MRPL35: variants seen among roughly 807,000 people sequenced by gnomAD.
MRPL35 encodes mitochondrial ribosomal protein L35.
Under a neutral mutation model 21.6 loss-of-function variants are expected in MRPL35, and 18 were observed. The ratio of observed to expected loss-of-function variants is 0.83; its 90% CI spans 0.58 to 1.24. MRPL35 has a LOEUF of 1.24. Ranked by LOEUF, MRPL35 falls within the 50% of genes most tolerant of loss-of-function variation. MRPL35 has a pLI of 0.00. For synonymous variants in MRPL35, 87 were observed against 86.9 expected, an observed-to-expected ratio of 1.00 and a Z score of -0.01; for missense variants, 223 against 223.2, an observed-to-expected ratio of 1.00 and a Z score of 0.01.
At chr2:86,200,907 C>G (rs1438314227) in intron 1 of MRPL35, among the ~76,000 whole-genome samples, 1 of 152,114 alleles carries the variant, frequency 6.6e-6, no homozygotes, top group Non-Finnish European at 1.5e-5. Context: ...CTCAGGTGAT[C>G]CGCCCGCCTC....
chr2:86,207,386 C>A (rs1366371107), intron 3 of MRPL35, 59 bp downstream of exon 3: 75 of 1,567,280 alleles, frequency 4.8e-5, no homozygotes, highest in Non-Finnish European at 6.3e-5. Context: ...CGTGGTGGCT[C>A]ACGCCTATAA....
At position 86,199,515 on chromosome 2, in the gene MRPL35, G is replaced by C. The variant is rs151046694; in HGVS notation, c.25G>C (p.Ala9Pro). 6.2e-7 allele frequency: 1 copy of C among 1,614,206 alleles called. No homozygotes were observed. MAASAFAGAVRAASGILRP... is the reference protein window; with the variant it reads MAASAFAGPVRAASGILRP... ...GATGGCTGCCTCTGCCTTTGCTGGTGCAGTGAGAGCAGCTTCAGGTCAGTG... is the reference window on the plus strand; with the variant it reads ...GATGGCTGCCTCTGCCTTTGCTGGTCCAGTGAGAGCAGCTTCAGGTCAGTG... Residue 9 changes from alanine to proline, a missense_variant, in exon 1 of 4, where the codon GCA becomes CCA. Physicochemically the swap from Ala to Pro is conservative, Grantham distance 27. Coordinates refer to ENST00000337109, the MANE Select transcript of MRPL35 (RefSeq NM_016622.4).
At position 86,211,872 on chromosome 2, in the gene MRPL35, C is replaced by G. The variant is rs182521058; in HGVS notation, c.*1204C>G. Reference sequence around the variant, plus strand: ...TTCATTTGTAAGGATAAACTTTTCCCACAAATTTTCAACAATCATTGTAGA... The same window carrying G: ...TTCATTTGTAAGGATAAACTTTTCCGACAAATTTTCAACAATCATTGTAGA... On this transcript the variant is annotated 3_prime_UTR_variant, in exon 4 of 4. Transcript: ENST00000337109. 2,197 of 985,446 alleles carry G rather than the reference C, an allele frequency of 2.2e-3. 4 individuals carry two copies. The highest frequency in any genetic ancestry group is 3.9e-3 in the Admixed American group (64 of 16,282). 61.0% of individuals were successfully genotyped at this position (985,446 alleles called of 1,614,324 possible). A position where few individuals can be genotyped will look rare whatever the true frequency, so the allele number is the denominator to read the frequency against.
In MRPL35 at chr2:86,212,274, C is replaced by T; in HGVS notation, c.*1606C>T. 1 of 1,457,040 alleles carries T rather than the reference C, an allele frequency of 6.9e-7. No homozygotes were observed. The highest frequency in any genetic ancestry group is 1.5e-5 in the South Asian group (1 of 67,406). The allele number at this position is 1,457,040 out of a possible 1,614,324, so 90.3% of individuals were successfully genotyped here. A position where few individuals can be genotyped will look rare whatever the true frequency, so the allele number is the denominator to read the frequency against. On this transcript the variant is annotated 3_prime_UTR_variant, in exon 4 of 4. Coordinates refer to ENST00000337109, the MANE Select transcript of MRPL35 (RefSeq NM_016622.4). The stretch of plus-strand genomic sequence containing the variant: ...TGTTTATTAAAAGGAGAAAGGATAA[C>T]AATAGAATGTTCTAAAACCAGAAGT...
At chr2:86,201,959 C>T (rs1325692267) in intron 1 of MRPL35, among the ~76,000 whole-genome samples, 2 of 152,172 alleles carry the variant, frequency 1.3e-5, no homozygotes, top group African/African-American at 4.8e-5. Flanking sequence ...TCTGGTTTTG[C>T]GTTACCTCTT....
chr2:86,204,043 G>C (rs1042451912), intron 1 of MRPL35, among the ~76,000 whole-genome samples: 1 of 151,546 alleles, frequency 6.6e-6, no homozygotes, highest in Non-Finnish European at 1.5e-5. Flanking sequence ...GGAGTGCAAT[G>C]TTGCAGTCTC....
chr2:86,199,539 T>C lies in MRPL35; in HGVS notation c.43+6T>C, dbSNP rs759109484. 4.3e-6 allele frequency: 7 copies of C among 1,614,126 alleles called. No homozygotes were observed. The East Asian group carries it at 1.6e-4, about 36-fold the overall frequency. ...TGCAGTGAGAGCAGCTTCAGGTCAG[T>C]GGAGAGCGACATACTCCATGCATGC... On this transcript the variant is annotated splice_donor_region_variant and intron_variant, in intron 1 of 3. Transcript: ENST00000337109.
chr2:86,213,152 CAT>C lies in MRPL35; in HGVS notation c.*2487_*2488del, dbSNP rs1264973556. 9 of 986,462 alleles carry C rather than the reference CAT, an allele frequency of 9.1e-6. No individual in the cohort carries two copies. In the African/African-American group the frequency reaches 1.4e-4, roughly 15 times the overall value. 61.1% of individuals were successfully genotyped at this position (986,462 alleles called of 1,614,324 possible). A position where few individuals can be genotyped will look rare whatever the true frequency, so the allele number is the denominator to read the frequency against. On this transcript the variant is annotated 3_prime_UTR_variant, in exon 4 of 4. Coordinates refer to ENST00000337109, the MANE Select transcript of MRPL35 (RefSeq NM_016622.4). The stretch of plus-strand genomic sequence containing the variant: ...CTGTGTATTTCCCTGAGTCTTCTAA[CAT>C]ATGAAAATTCATATCTAAATCAACA...
chr2:86,212,056 G>C lies in MRPL35; in HGVS notation c.*1388G>C. On this transcript the variant is annotated 3_prime_UTR_variant, in exon 4 of 4. Coordinates refer to ENST00000337109, the MANE Select transcript of MRPL35 (RefSeq NM_016622.4). ...CTCTCCGATCAGAATCATCTGGGAA[G>C]CATTTTCAAACAGCAAAGTACTTTG... 9.4e-7 allele frequency: 1 copy of C among 1,058,316 alleles called. No individual in the cohort carries two copies. The highest frequency in any genetic ancestry group is 1.1e-6 in the Non-Finnish European group (1 of 875,702). The allele number at this position is 1,058,316 out of a possible 1,614,324, so 65.6% of individuals were successfully genotyped here. A position where few individuals can be genotyped will look rare whatever the true frequency, so the allele number is the denominator to read the frequency against.
chr2:86,203,183 C>T lies in MRPL35; in HGVS notation c.44-2923C>T, dbSNP rs140855239. Among the ~76,000 whole-genome samples the T allele has an allele frequency of 4.4e-3, 671 of 151,816 alleles. 5 individuals are homozygous for T. Among genetic ancestry groups the T allele is most frequent in the African/African-American group, 0.015 (613 of 41,394 alleles). ...CAAGCTCTGCCTCCCAGGTTCACGC[C>T]ATTCTCCTGCTTCAGCCTCCCAAGT... is the stretch of plus-strand genomic sequence containing the variant. On this transcript the variant is annotated intron_variant, in intron 1 of 3. Transcript: ENST00000337109.
chr2:86,212,483 C>T lies in MRPL35; in HGVS notation c.*1815C>T. 6.2e-7 allele frequency: 1 copy of T among 1,613,230 alleles called. No homozygotes were observed. Among genetic ancestry groups the T allele is most frequent in the East Asian group, 2.2e-5 (1 of 44,824 alleles). ...ATCTTTGTCACCTGCCTGGCTCCTG[C>T]TCTCTGATGTACCTCTGGGTAGTGA... On this transcript the variant is annotated 3_prime_UTR_variant, in exon 4 of 4. Transcript: ENST00000337109.
rs148722474 is a variant in MRPL35, at chr2:86,212,427, C to T, written c.*1759C>T. On this transcript the variant is annotated 3_prime_UTR_variant, in exon 4 of 4. Transcript: ENST00000337109. The stretch of plus-strand genomic sequence containing the variant: ...TTTTCATTTCTTCGCACTTCTGAGA[C>T]GGCAAAGCCAACCACTTAGAAGCCT... 34 of 1,613,740 alleles carry T rather than the reference C, an allele frequency of 2.1e-5. No individual in the cohort carries two copies. The highest frequency in any genetic ancestry group is 8.8e-5 in the South Asian group (8 of 91,018).
At chr2:86,207,120 T>A (rs537609432) in intron 2 of MRPL35, 63 bp from the exon 3 acceptor site, 376 of 1,456,426 alleles carry the variant, frequency 2.6e-4, no homozygotes, top group Non-Finnish European at 3.3e-4. Flanking sequence ...TCAGTATAGA[T>A]AATGAATTTT....
chr2:86,213,534 C>T lies in MRPL35; in HGVS notation c.*2866C>T. ...GAGCTTCCAAGTCTTTGTGGCCACCCAATGAAGTTTGAGTCTGCCTGTTCA... is the reference window on the plus strand; with the variant it reads ...GAGCTTCCAAGTCTTTGTGGCCACCTAATGAAGTTTGAGTCTGCCTGTTCA... On this transcript the variant is annotated 3_prime_UTR_variant, in exon 4 of 4. Transcript: ENST00000337109. 1 of 1,439,184 alleles carries T rather than the reference C, an allele frequency of 6.9e-7. No homozygotes were observed. Among genetic ancestry groups the T allele is most frequent in the Non-Finnish European group, 9.2e-7 (1 of 1,083,344 alleles). The allele number at this position is 1,439,184 out of a possible 1,614,324, so 89.2% of individuals were successfully genotyped here.
At chr2:86,200,603 CT>C (rs35913555) in intron 1 of MRPL35, among the ~76,000 whole-genome samples, 1 of 152,070 alleles carries the variant, frequency 6.6e-6, no homozygotes, top group African/African-American at 2.4e-5. Flanking sequence ...AGTATATACG[CT>C]TTAGTATCTT....
At position 86,207,365 on chromosome 2, in the gene MRPL35, G is replaced by A. The variant is rs769738348; in HGVS notation, c.378+38G>A. On this transcript the variant is annotated intron_variant, in intron 3 of 3. Transcript: ENST00000337109. Reference sequence around the variant, plus strand: ...ACTGTTACTAAATTGAAAAAGGAATGTGAGGCCGGGCGTGGTGGCTCACGC... The same window carrying A: ...ACTGTTACTAAATTGAAAAAGGAATATGAGGCCGGGCGTGGTGGCTCACGC... 7.1e-5 allele frequency: 113 copies of A among 1,591,786 alleles called. 1 individual carries two copies. In the South Asian group the frequency reaches 1.3e-3, roughly 18 times the overall value.
rs1410437913 is a variant in MRPL35, at chr2:86,213,314, G to A, written c.*2646G>A. The A allele has an allele frequency of 2.5e-5, 29 of 1,173,648 alleles. No individual in the cohort carries two copies. The Admixed American group carries it at 9.3e-4, about 38-fold the overall frequency. The allele number at this position is 1,173,648 out of a possible 1,614,324, so 72.7% of individuals were successfully genotyped here. On this transcript the variant is annotated 3_prime_UTR_variant, in exon 4 of 4. Coordinates refer to ENST00000337109, the MANE Select transcript of MRPL35 (RefSeq NM_016622.4). Reference sequence around the variant, plus strand: ...TAACCTAGTTAATCCTAGTTCTGTTGACATTGGACCAGGCTCAGTAAATAA... The same window carrying A: ...TAACCTAGTTAATCCTAGTTCTGTTAACATTGGACCAGGCTCAGTAAATAA...
In MRPL35 at chr2:86,199,479, G is replaced by A. The variant is rs1673640167; in HGVS notation, c.-12G>A. The A allele has an allele frequency of 2.5e-6, 4 of 1,614,024 alleles. No individual in the cohort carries two copies. In the African/African-American group the frequency reaches 5.3e-5, roughly 22 times the overall value. ...TTTAAACCCAAAGCGGCCGCCGTAG[G>A]CGAAGGTGAAGATGGCTGCCTCTGC... On this transcript the variant is annotated 5_prime_UTR_variant, in exon 1 of 4. Coordinates refer to ENST00000337109, the MANE Select transcript of MRPL35 (RefSeq NM_016622.4).
At chr2:86,200,380 G>A (rs2105832381) in intron 1 of MRPL35, among the ~76,000 whole-genome samples, 1 of 152,246 alleles carries the variant, frequency 6.6e-6, no homozygotes, top group East Asian at 1.9e-4. Flanking sequence ...GCAAACACCT[G>A]TTTAACACTC....
Sources: gnomAD v4.1 joint callset for allele counts (sites outside exome capture counted in the v4.1 genomes callset) on GRCh38, gnomAD v4.1.1 for gene constraint, MANE v1.5 for transcripts, NCBI Gene and HGNC (gene_info 2026-07-23, HGNC 2026-07-21) for gene names.